The following UBOX5 variants were observed in gnomAD, a reference collection of about 807,000 sequenced individuals.
UBOX5 encodes the protein RING finger protein 37.
A neutral mutation model predicts 39.0 loss-of-function variants in UBOX5; 28 were observed. The observed-to-expected ratio is 0.72, with a 90% confidence interval of 0.53 to 0.98. UBOX5 has a LOEUF of 0.98. UBOX5 is among the 50% of genes least tolerant of loss of function. The pLI, the probability that UBOX5 is intolerant of heterozygous loss-of-function variation, is 0.00. For missense variants in UBOX5, 585 were observed against 674.4 expected (o/e 0.87, Z 1.47); for synonymous variants, 283 against 275.5 (o/e 1.03, Z -0.27).
chr20:3,145,041 G>C (rs2066548134), intron 1 of UBOX5, among the ~76,000 whole-genome samples: 1 of 152,140 alleles, frequency 6.6e-6, no homozygotes, highest in South Asian at 2.1e-4. Flanking sequence ...TAAAGCAAAA[G>C]GAATCAGCAA....
At chr20:3,112,051 A>C (rs1241840135) in intron 4 of UBOX5, among the ~76,000 whole-genome samples, 3 of 152,020 alleles carry the variant, frequency 2.0e-5, no homozygotes, top group Admixed American at 6.6e-5. Context: ...TAAGCAACAT[A>C]AAAGTACCGG....
Position 3,111,975 on chromosome 20 carries a change from G to A in UBOX5, c.1418-1661C>T, listed in dbSNP as rs6051582. Among the ~76,000 whole-genome samples the A allele has an allele frequency of 6.6e-3, 1,010 of 152,250 alleles. 5 individuals carry two copies. The highest frequency in any genetic ancestry group is 0.023 in the African/African-American group (963 of 41,544). On this transcript the variant is annotated intron_variant, in intron 4 of 4. Coordinates refer to ENST00000217173, the MANE Select transcript of UBOX5 (RefSeq NM_014948.4). The stretch of plus-strand genomic sequence containing the variant: ...CAGGAACTGAAGTGTTCCTGCCTCC[G>A]CATCCCTGAGAACTGTAGCCAGGAA...
intron 1 of UBOX5, among the ~76,000 whole-genome samples, chr20:3,132,676 C>T (rs1230183456): frequency 2.0e-5 from 3 of 151,634 alleles, no homozygotes; most frequent in East Asian, 1.9e-4. Flanking sequence ...AAAAATTACC[C>T]GGGTGTGGTG....
At chr20:3,145,940 G>T (rs6051602) in intron 1 of UBOX5, among the ~76,000 whole-genome samples, 2 of 152,068 alleles carry the variant, frequency 1.3e-5, no homozygotes, top group Admixed American at 6.6e-5. Context: ...CAGCTACTCA[G>T]GTGGCTGAGG....
intron 1 of UBOX5, among the ~76,000 whole-genome samples, chr20:3,144,432 T>A (rs547449194): frequency 6.6e-6 from 1 of 152,238 alleles, no homozygotes; most frequent in East Asian, 1.9e-4. Flanking sequence ...GATATCCACA[T>A]GCAAAAGAAT....
At chr20:3,137,910 T>C (rs980105499) in intron 1 of UBOX5, among the ~76,000 whole-genome samples, 1 of 152,212 alleles carries the variant, frequency 6.6e-6, no homozygotes, top group Non-Finnish European at 1.5e-5. Context: ...AGAAACAAAC[T>C]TGAGTGACAC....
Position 3,108,071 on chromosome 20 carries a change from C to T in UBOX5, c.*2035G>A, listed in dbSNP as rs1262586645. On this transcript the variant is annotated 3_prime_UTR_variant, in exon 5 of 5. Coordinates refer to ENST00000217173, the MANE Select transcript of UBOX5 (RefSeq NM_014948.4). ...CAGGGTGAAGGTGGGAATCACCAGC[C>T]CCCACACTCACCAAGAAATGCTTTT... 2 of 152,242 alleles carry T rather than the reference C, an allele frequency of 1.3e-5. No homozygotes were observed. The highest frequency in any genetic ancestry group is 2.9e-5 in the Non-Finnish European group (2 of 68,100). 9.4% of individuals were successfully genotyped at this position (152,242 alleles called of 1,614,324 possible).
chr20:3,121,942 C>T lies in UBOX5; in HGVS notation c.697G>A (p.Asp233Asn). Residue 233 changes from aspartate (D) to asparagine (N), a missense_variant, in exon 3 of 5, where the codon GAC becomes AAC. Asp to Asn is a conservative substitution (Grantham distance 23). Transcript: ENST00000217173. ...TCAGGCTGGTCCCCAGGGTCACAGTCACTTTCCATGGGCAAGGCTGGAGCC... is the reference window on the plus strand; with the variant it reads ...TCAGGCTGGTCCCCAGGGTCACAGTTACTTTCCATGGGCAAGGCTGGAGCC... ...LQAPALPMES[D>N]CDPGDQPESQ... 6.2e-7 allele frequency: 1 copy of T among 1,613,898 alleles called. No homozygotes were observed. The highest frequency in any genetic ancestry group is 8.5e-7 in the Non-Finnish European group (1 of 1,180,030).
chr20:3,113,182 G>T (rs1455954982), intron 4 of UBOX5, among the ~76,000 whole-genome samples: 8 of 151,822 alleles, frequency 5.3e-5, no homozygotes, highest in South Asian at 2.1e-4. Flanking sequence ...AGCTACTAGT[G>T]GGGGCTGAGA....
In UBOX5 at chr20:3,139,957, T is replaced by C. The variant is rs570442137; in HGVS notation, c.-41-16551A>G. Reference sequence around the variant, plus strand: ...ACTCCTGACCTTGTCATCTGCCCACTTGGGCCTCCCAAAATGCTGGCATCA... The same window carrying C: ...ACTCCTGACCTTGTCATCTGCCCACCTGGGCCTCCCAAAATGCTGGCATCA... On this transcript the variant is annotated intron_variant, in intron 1 of 4. Coordinates refer to ENST00000217173, the MANE Select transcript of UBOX5 (RefSeq NM_014948.4). 4.0e-5 allele frequency among the ~76,000 whole-genome samples: 6 copies of C among 149,612 alleles called. No individual in the cohort carries two copies. In the South Asian group the frequency reaches 1.3e-3, roughly 32 times the overall value.
chr20:3,133,758 G>T (rs187748265), intron 1 of UBOX5, among the ~76,000 whole-genome samples: 119 of 119,008 alleles, frequency 1.0e-3, no homozygotes, highest in African/African-American at 3.4e-3. Flanking sequence ...ATTTTTTTTG[G>T]GGGGGGGAAA....
Position 3,121,544 on chromosome 20 carries a change from C to T in UBOX5, c.1095G>A (p.Lys365=), listed in dbSNP as rs781407615. The change falls in exon 3 of 5, where the codon AAG becomes AAA. Residue 365 remains lysine, a synonymous_variant. Transcript: ENST00000217173. ...SSIVLPSQKR[K]IEQAEHVPDS... ...CTGGGACATGTTCAGCCTGCTCTAT[C>T]TTCCTTTTCTGAGAGGGCAGAACAA... 4 of 1,611,662 alleles carry T rather than the reference C, an allele frequency of 2.5e-6. No homozygotes were observed. Among genetic ancestry groups the T allele is most frequent in the South Asian group, 2.2e-5 (2 of 90,786 alleles).
chr20:3,148,525 C>T (rs2148620694), intron 1 of UBOX5: 1 of 1,614,136 alleles, frequency 6.2e-7, no homozygotes, highest in East Asian at 2.2e-5. Flanking sequence ...TGGTACTGCC[C>T]AGCAAGACAG....
intron 1 of UBOX5, among the ~76,000 whole-genome samples, chr20:3,151,182 C>T (rs993037422): frequency 6.6e-6 from 1 of 152,118 alleles, no homozygotes; most frequent in Non-Finnish European, 1.5e-5. Flanking sequence ...GTATTACAGG[C>T]ATCAGCCACC....
At chr20:3,158,875 C>T (rs1445039647) in intron 1 of UBOX5, among the ~76,000 whole-genome samples, 2 of 152,228 alleles carry the variant, frequency 1.3e-5, no homozygotes, top group African/African-American at 4.8e-5. Context: ...GAAAGGCAGC[C>T]ATTCTTACTA....
chr20:3,118,592 A>C (rs938520082), intron 3 of UBOX5, among the ~76,000 whole-genome samples: 2 of 151,926 alleles, frequency 1.3e-5, no homozygotes, highest in Non-Finnish European at 2.9e-5. Context: ...AACACAGTGA[A>C]ACCCCGTCTC....
At chr20:3,128,899 T>C (rs1008168222) in intron 1 of UBOX5, among the ~76,000 whole-genome samples, 4 of 152,154 alleles carry the variant, frequency 2.6e-5, no homozygotes, top group African/African-American at 9.7e-5. Context: ...TCTTCTAGAC[T>C]TAAATGTGGT....
At chr20:3,110,715 C>T in intron 4 of UBOX5, 1 of 269,964 alleles carries the variant, frequency 3.7e-6, no homozygotes, top group South Asian at 4.2e-5. Context: ...AAGGAAAAGG[C>T]AGGTCAGTGG....
intron 4 of UBOX5, among the ~76,000 whole-genome samples, chr20:3,112,976 G>T (rs992794800): frequency 6.7e-6 from 1 of 149,100 alleles, no homozygotes; most frequent in Non-Finnish European, 1.5e-5. Context: ...AAAAAGAAAA[G>T]AAAAAGACAC....
Sources: gnomAD v4.1 joint callset for allele counts (sites outside exome capture counted in the v4.1 genomes callset) on GRCh38, gnomAD v4.1.1 for gene constraint, MANE v1.5 for transcripts, NCBI Gene and HGNC (gene_info 2026-07-23, HGNC 2026-07-21) for gene names.